The following IL1RAPL2 variants were observed in gnomAD, a reference collection of about 807,000 sequenced individuals.
IL1RAPL2 encodes the protein X-linked interleukin-1 receptor accessory protein-like 2.
In IL1RAPL2, 3 loss-of-function variants were observed where a neutral mutation model predicts 44.1. The ratio of observed to expected loss-of-function variants is 0.07; its 90% confidence interval spans 0.03 to 0.18. IL1RAPL2 has a LOEUF of 0.18. Ranked by LOEUF, IL1RAPL2 falls within the 10% of genes least tolerant of loss-of-function variation. The probability of loss-of-function intolerance (pLI) is 1.00; values close to 1 mark genes in which losing one functional copy is unlikely to be tolerated. For synonymous variants in IL1RAPL2, 181 were observed against 178.8 expected, an observed-to-expected ratio of 1.01 and a Z score of -0.10; for missense variants, 391 against 496.4, an observed-to-expected ratio of 0.79 and a Z score of 2.02.
chrX:105,270,062 G>A (rs1198960626), intron 5 of IL1RAPL2, among the ~76,000 whole-genome samples: 1 of 111,787 alleles, frequency 8.9e-6, no homozygotes, highest in Non-Finnish European at 1.9e-5. Flanking sequence ...TCAGAATCAT[G>A]TAAAGGGACC....
chrX:105,651,663 T>C (rs1169930935), intron 6 of IL1RAPL2, among the ~76,000 whole-genome samples: 1 of 111,793 alleles, frequency 8.9e-6, no homozygotes, highest in East Asian at 2.8e-4. Context: ...TTCCTAGTTA[T>C]GGAAATTTAT....
intron 2 of IL1RAPL2, among the ~76,000 whole-genome samples, chrX:104,962,652 T>C (rs2030031166): frequency 8.9e-6 from 1 of 112,429 alleles, no homozygotes; most frequent in South Asian, 3.7e-4. Flanking sequence ...TTATTCTTTA[T>C]GTATGTCATT....
At chrX:104,657,271 A>G (rs1348417013) in intron 1 of IL1RAPL2, among the ~76,000 whole-genome samples, 2 of 111,704 alleles carry the variant, frequency 1.8e-5, no homozygotes, top group African/African-American at 3.3e-5. Context: ...GTACGAAAAC[A>G]GAGATATAGA....
intron 1 of IL1RAPL2, chrX:104,648,133 A>G (rs1198615829): frequency 2.7e-6 from 1 of 376,898 alleles, no homozygotes; most frequent in Non-Finnish European, 4.7e-6. Context: ...GCATACATAC[A>G]TAGATTTTTC....
At chrX:105,446,832 A>G (rs889712822) in intron 5 of IL1RAPL2, among the ~76,000 whole-genome samples, 1 of 106,581 alleles carries the variant, frequency 9.4e-6, no homozygotes, top group African/African-American at 3.4e-5. Context: ...ACACACCACC[A>G]ATTACCATGT....
At chrX:105,533,004 A>C (rs1166916513) in intron 6 of IL1RAPL2, among the ~76,000 whole-genome samples, 1 of 110,162 alleles carries the variant, frequency 9.1e-6, no homozygotes, top group African/African-American at 3.3e-5. Context: ...AGCCTGGCCA[A>C]TATGGTGAAA....
intron 2 of IL1RAPL2, among the ~76,000 whole-genome samples, chrX:104,784,898 CA>C (rs769278620): frequency 9.1e-6 from 1 of 109,868 alleles, no homozygotes; most frequent in East Asian, 2.8e-4. Context: ...AGGAAGAGGA[CA>C]AAAAAAGGAA....
chrX:104,880,834 T>G (rs1923047781), intron 2 of IL1RAPL2, among the ~76,000 whole-genome samples: 1 of 112,059 alleles, frequency 8.9e-6, no homozygotes, highest in African/African-American at 3.2e-5. Flanking sequence ...TGCAATAGAA[T>G]AAGCAATCCT....
chrX:104,704,605 C>T (rs183016600), intron 2 of IL1RAPL2, among the ~76,000 whole-genome samples: 26 of 111,139 alleles, frequency 2.3e-4, no homozygotes, highest in Middle Eastern at 4.7e-3. Context: ...TCTTAAAGAA[C>T]GTAGTCTCTA....
intron 2 of IL1RAPL2, among the ~76,000 whole-genome samples, chrX:104,813,510 G>T (rs185678578): frequency 6.6e-4 from 73 of 111,309 alleles, no homozygotes; most frequent in African/African-American, 2.4e-3. Context: ...TGTGTTGTAT[G>T]TACAGTCACT....
chrX:105,475,798 G>A (rs1025015495), intron 5 of IL1RAPL2, among the ~76,000 whole-genome samples: 2 of 112,028 alleles, frequency 1.8e-5, no homozygotes, highest in African/African-American at 6.5e-5. Flanking sequence ...GCAGATTTGT[G>A]CTGAATAAAC....
At chrX:104,648,888 A>G (rs749441314) in intron 1 of IL1RAPL2, among the ~76,000 whole-genome samples, 1 of 111,761 alleles carries the variant, frequency 8.9e-6, no homozygotes, top group South Asian at 3.8e-4. Flanking sequence ...GAAATCAAAA[A>G]GAAACCCTAT....
chrX:105,015,460 G>A (rs1452844721), intron 2 of IL1RAPL2, among the ~76,000 whole-genome samples: 1 of 111,894 alleles, frequency 8.9e-6, no homozygotes, highest in Non-Finnish European at 1.9e-5. Context: ...TTACATTTAA[G>A]TCTTCAATCC....
chrX:104,602,422 C>T (rs1044796259), intron 1 of IL1RAPL2, among the ~76,000 whole-genome samples: 1 of 111,527 alleles, frequency 9.0e-6, no homozygotes, highest in African/African-American at 3.3e-5. Flanking sequence ...ACCAAAGTAG[C>T]TGCAGGAGTT....
intron 2 of IL1RAPL2, among the ~76,000 whole-genome samples, chrX:105,074,184 T>G (rs1430118664): frequency 2.9e-4 from 32 of 112,042 alleles, no homozygotes; most frequent in Admixed American, 1.6e-3. Flanking sequence ...GGTCTAACAT[T>G]TAAGTCTTCA....
chrX:104,846,503 A>C (rs1168041620), intron 2 of IL1RAPL2, among the ~76,000 whole-genome samples: 1 of 111,244 alleles, frequency 9.0e-6, no homozygotes, highest in East Asian at 2.8e-4. Flanking sequence ...AGCTTCATCC[A>C]TGTCCCTACA....
At chrX:105,016,525 G>A (rs931377723) in intron 2 of IL1RAPL2, among the ~76,000 whole-genome samples, 1 of 111,141 alleles carries the variant, frequency 9.0e-6, no homozygotes, top group African/African-American at 3.3e-5. Flanking sequence ...TAGCATGAAG[G>A]GCTGTTGAAT....
chrX:105,528,375 C>T (rs775861759), intron 6 of IL1RAPL2, among the ~76,000 whole-genome samples: 1 of 111,825 alleles, frequency 8.9e-6, no homozygotes, highest in Non-Finnish European at 1.9e-5. Context: ...GAGCATTTGA[C>T]TCCAAGCTAT....
At position 104,963,576 on chromosome X, in the gene IL1RAPL2, G is replaced by C. The variant is rs1211891382; in HGVS notation, c.83-231899G>C. 6.3e-5 allele frequency among the ~76,000 whole-genome samples: 7 copies of C among 111,506 alleles called. No homozygotes were observed. The East Asian group carries it at 2.0e-3, about 32-fold the overall frequency. Reference sequence around the variant, plus strand: ...TGTTGTGCCCTGAGGGTAGTAAATAGATTTCCATGCCCCAGACCCAAATAA... The same window carrying C: ...TGTTGTGCCCTGAGGGTAGTAAATACATTTCCATGCCCCAGACCCAAATAA... On this transcript the variant is annotated intron_variant, in intron 2 of 10. Transcript: ENST00000372582.
Sources: allele counts gnomAD v4.1 joint callset (sites outside exome capture counted in the v4.1 genomes callset), GRCh38; gene constraint gnomAD v4.1.1; transcripts MANE v1.5; gene names NCBI Gene and HGNC (gene_info 2026-07-23, HGNC 2026-07-21).